The following CNTNAP4 variants were observed in gnomAD, a reference collection of about 807,000 sequenced individuals.
CNTNAP4 encodes the protein contactin associated protein family member 4, also known as contactin-associated protein-like 4.
CNTNAP4 carries 98 observed loss-of-function variants against 148.4 expected under a neutral mutation model. The observed-to-expected ratio is 0.66, with a 90% CI of 0.56 to 0.78. The LOEUF (loss-of-function observed/expected upper bound fraction) is 0.78. CNTNAP4 is among the 30% of genes least tolerant of loss of function. The probability of loss-of-function intolerance (pLI) is 0.00; values close to 1 mark genes in which losing one functional copy is unlikely to be tolerated. For synonymous variants in CNTNAP4, 730 were observed against 565.1 expected (o/e 1.29, Z -4.14); for missense variants, 1,935 against 1,565.6 (o/e 1.24, Z -3.98).
intron 4 of CNTNAP4, among the ~76,000 whole-genome samples, chr16:76,439,156 A>T (rs2079944378): frequency 1.3e-5 from 2 of 152,066 alleles, no homozygotes; most frequent in Admixed American, 1.3e-4. Flanking sequence ...AGCAGCTCCC[A>T]CCGTAGCACT....
rs898807999 is a variant in CNTNAP4 at position 76,481,896 on chromosome 16, G to C, written c.1882+2358G>C. ...GTAAGTGGGGCGTAGGAAGAGAGGA[G>C]AGAGGCAAGTTGGGTGGGGAGGGGA... On this transcript the variant is annotated intron_variant, in intron 12 of 23. Transcript: ENST00000611870. Among the ~76,000 whole-genome samples the C allele has an allele frequency of 3.3e-5, 5 of 152,132 alleles. No individual in the cohort carries two copies. In the East Asian group the frequency reaches 7.7e-4, roughly 23 times the overall value.
At chr16:76,448,271 C>G (rs139920798) in intron 5 of CNTNAP4, 56 bp downstream of exon 5, 1 of 1,258,290 alleles carries the variant, frequency 7.9e-7, no homozygotes, top group East Asian at 2.3e-5. Flanking sequence ...TCACCTAAGT[C>G]ACTTTATGCT....
At chr16:76,296,754 A>G (rs1959346469) in intron 1 of CNTNAP4, among the ~76,000 whole-genome samples, 1 of 152,190 alleles carries the variant, frequency 6.6e-6, no homozygotes, top group South Asian at 2.1e-4. Context: ...TTTTTGCTGT[A>G]TCTAAGGATT....
At chr16:76,288,445 C>T (rs186933417) in intron 1 of CNTNAP4, among the ~76,000 whole-genome samples, 1 of 152,156 alleles carries the variant, frequency 6.6e-6, no homozygotes, top group African/African-American at 2.4e-5. Context: ...TCTGTTGTTC[C>T]CTTTGCGTAA....
At chr16:76,433,771 C>A (rs2079703276) in intron 4 of CNTNAP4, among the ~76,000 whole-genome samples, 1 of 152,068 alleles carries the variant, frequency 6.6e-6, no homozygotes, top group Non-Finnish European at 1.5e-5. Flanking sequence ...TATTGAGCAA[C>A]TCCCACATGC....
chr16:76,317,252 C>CAAAAAAAAAAAACAAAAAAAAAAACCAA (rs1961865164), intron 2 of CNTNAP4, among the ~76,000 whole-genome samples: 1 of 86,282 alleles, frequency 1.2e-5, no homozygotes. Flanking sequence ...GACCCTGTCT[C>CAAAAAAAAAAAACAAAAAAAAAAACCAA]AAAAAAAAAA....
intron 17 of CNTNAP4, among the ~76,000 whole-genome samples, chr16:76,528,740 G>C (rs1193321113): frequency 6.6e-6 from 1 of 152,136 alleles, no homozygotes; most frequent in Non-Finnish European, 1.5e-5. Context: ...TACTTTCTGA[G>C]AAAAATCAGT....
At chr16:76,350,382 C>G (rs1965272266) in intron 2 of CNTNAP4, among the ~76,000 whole-genome samples, 1 of 152,134 alleles carries the variant, frequency 6.6e-6, no homozygotes, top group Non-Finnish European at 1.5e-5. Context: ...CATACTTCAT[C>G]TCACTAGATA....
chr16:76,357,233 T>G lies in CNTNAP4; in HGVS notation c.390+1722T>G, dbSNP rs543464869. On this transcript the variant is annotated intron_variant, in intron 3 of 23. Coordinates refer to ENST00000611870, the MANE Select transcript of CNTNAP4 (RefSeq NM_033401.5). ...GATGTTTGGATTATCTTCTGCTCTT[T>G]TTTGAATTAAGCATTGGAATTTAAC... 5.3e-5 allele frequency among the ~76,000 whole-genome samples: 8 copies of G among 152,348 alleles called. No individual in the cohort carries two copies. In the South Asian group the frequency reaches 1.7e-3, roughly 32 times the overall value.
chr16:76,521,341 G>A lies in CNTNAP4; in HGVS notation c.2536+31G>A, dbSNP rs748214304. On this transcript the variant is annotated intron_variant, in intron 16 of 23. Transcript: ENST00000611870. ...TCTCCTTTTCCAGAGAAGTGTATGA[G>A]ATTCTATCATTTAGTAGTAAATCTT... 7 of 1,547,314 alleles carry A rather than the reference G, an allele frequency of 4.5e-6. No individual in the cohort carries two copies. In the African/African-American group the frequency reaches 9.7e-5, roughly 21 times the overall value.
intron 13 of CNTNAP4, among the ~76,000 whole-genome samples, chr16:76,493,636 T>A (rs12444038): frequency 0.84 from 127,437 of 152,100 alleles, 54,296 homozygotes; most frequent in East Asian, 0.97. Flanking sequence ...CTATGAAAAC[T>A]TAATGTTTTA....
At chr16:76,400,458 G>T (rs908798515) in intron 3 of CNTNAP4, among the ~76,000 whole-genome samples, 1 of 152,054 alleles carries the variant, frequency 6.6e-6, no homozygotes, top group Non-Finnish European at 1.5e-5. Context: ...TCTGTCTGAT[G>T]CATAGTTTGC....
At chr16:76,529,931 T>C (rs1200011988) in intron 17 of CNTNAP4, among the ~76,000 whole-genome samples, 1 of 152,020 alleles carries the variant, frequency 6.6e-6, no homozygotes, top group Admixed American at 6.6e-5. Context: ...TCACGGCATA[T>C]GCATAGGCTA....
chr16:76,400,693 C>T (rs184972062), intron 3 of CNTNAP4, among the ~76,000 whole-genome samples: 208 of 152,160 alleles, frequency 1.4e-3, no homozygotes, highest in African/African-American at 4.7e-3. Flanking sequence ...AAATATTTAA[C>T]GCATATTGAG....
intron 3 of CNTNAP4, among the ~76,000 whole-genome samples, chr16:76,422,282 A>C (rs2079216983): frequency 6.6e-6 from 1 of 152,152 alleles, no homozygotes; most frequent in South Asian, 2.1e-4. Context: ...TTATGTACTT[A>C]ATGATATAAC....
chr16:76,530,871 C>T (rs536305113), intron 17 of CNTNAP4, among the ~76,000 whole-genome samples: 1 of 152,202 alleles, frequency 6.6e-6, no homozygotes, highest in South Asian at 2.1e-4. Context: ...GCAGAGTTTT[C>T]CACCAGGAAG....
intron 3 of CNTNAP4, among the ~76,000 whole-genome samples, chr16:76,422,598 T>C (rs1388033546): frequency 6.6e-6 from 1 of 151,822 alleles, no homozygotes; most frequent in Non-Finnish European, 1.5e-5. Flanking sequence ...GTTGAAGTGA[T>C]GCCTTTTGAT....
chr16:76,529,312 TC>T (rs979055397), intron 17 of CNTNAP4, among the ~76,000 whole-genome samples: 40 of 152,112 alleles, frequency 2.6e-4, no homozygotes, highest in African/African-American at 9.4e-4. Flanking sequence ...CTTATTGTCT[TC>T]TAAAAAATGT....
chr16:76,346,012 G>GC, intron 2 of CNTNAP4, among the ~76,000 whole-genome samples: 1 of 152,060 alleles, frequency 6.6e-6, no homozygotes. Flanking sequence ...GAATCTGCCA[G>GC]CCCCTTGATC....
Sources: allele counts gnomAD v4.1 joint callset (sites outside exome capture counted in the v4.1 genomes callset), GRCh38; gene constraint gnomAD v4.1.1; transcripts MANE v1.5; gene names NCBI Gene and HGNC (gene_info 2026-07-23, HGNC 2026-07-21).